EXOC6B: variants seen among roughly 807,000 people sequenced by gnomAD.
EXOC6B encodes exocyst complex component 6B, also known as SEC15 homolog B.
EXOC6B carries 54 observed loss-of-function variants against 113.5 expected under a neutral mutation model. The ratio of observed to expected loss-of-function variants is 0.48; its 90% CI spans 0.38 to 0.60. The LOEUF is 0.60. Ranked by LOEUF, EXOC6B falls within the 20% of genes least tolerant of loss-of-function variation. The pLI is 0.00. For synonymous variants in EXOC6B, 357 were observed against 339.0 expected, an observed-to-expected ratio of 1.05 and a Z score of -0.58; for missense variants, 797 against 977.5, an observed-to-expected ratio of 0.82 and a Z score of 2.46.
At chr2:72,439,610 C>T (rs551942848) in intron 18 of EXOC6B, among the ~76,000 whole-genome samples, 19 of 152,264 alleles carry the variant, frequency 1.2e-4, no homozygotes, top group South Asian at 1.2e-3. Flanking sequence ...TTTGTCTGTT[C>T]GCTCCTGCAA....
chr2:72,361,613 T>C (rs1690320730), intron 19 of EXOC6B, among the ~76,000 whole-genome samples: 1 of 152,166 alleles, frequency 6.6e-6, no homozygotes, highest in South Asian at 2.1e-4. Flanking sequence ...GTTATGCCAA[T>C]TGGTAGTTGT....
chr2:72,398,733 C>CACAA, intron 18 of EXOC6B, among the ~76,000 whole-genome samples: 1 of 120,142 alleles, frequency 8.3e-6, no homozygotes, highest in South Asian at 2.2e-4. Flanking sequence ...TGTCTACACA[C>CACAA]ACACACACAC....
At chr2:72,259,768 C>A (rs186540812) in intron 20 of EXOC6B, among the ~76,000 whole-genome samples, 1 of 151,974 alleles carries the variant, frequency 6.6e-6, no homozygotes, top group South Asian at 2.1e-4. Flanking sequence ...TGTAGCAGTG[C>A]GGCCAGGCAC....
At chr2:72,732,945 C>T in intron 3 of EXOC6B, 126 bp downstream of exon 3, 1 of 734,120 alleles carries the variant, frequency 1.4e-6, no homozygotes. Context: ...TTAGGAAAAG[C>T]AACAATAATG....
At chr2:72,619,543 G>C (rs952652241) in intron 6 of EXOC6B, among the ~76,000 whole-genome samples, 2 of 152,134 alleles carry the variant, frequency 1.3e-5, no homozygotes, top group African/African-American at 4.8e-5. Flanking sequence ...ATAAAAGGCA[G>C]CCAGGAAACA....
intron 7 of EXOC6B, among the ~76,000 whole-genome samples, chr2:72,573,273 G>A (rs147411915): frequency 3.5e-4 from 54 of 152,174 alleles, no homozygotes; most frequent in African/African-American, 1.3e-3. Context: ...CACAGACTAT[G>A]TCTAGCCCAT....
At chr2:72,394,727 T>C (rs1205324548) in intron 18 of EXOC6B, among the ~76,000 whole-genome samples, 2 of 152,096 alleles carry the variant, frequency 1.3e-5, no homozygotes, top group East Asian at 3.8e-4. Flanking sequence ...AACCAAGATG[T>C]CAAAGAATCT....
intron 17 of EXOC6B, among the ~76,000 whole-genome samples, chr2:72,474,339 A>G (rs1284842039): frequency 6.6e-6 from 1 of 152,048 alleles, no homozygotes; most frequent in Non-Finnish European, 1.5e-5. Context: ...TTCATCTCTT[A>G]CTGCATTAAG....
chr2:72,632,755 C>T (rs1672557625), intron 6 of EXOC6B, among the ~76,000 whole-genome samples: 1 of 152,010 alleles, frequency 6.6e-6, no homozygotes, highest in South Asian at 2.1e-4. Flanking sequence ...AATCATGGCT[C>T]AGTGCAGTCT....
chr2:72,766,439 C>G (rs1459656008), intron 1 of EXOC6B, among the ~76,000 whole-genome samples: 1 of 152,036 alleles, frequency 6.6e-6, no homozygotes, highest in Admixed American at 6.6e-5. Flanking sequence ...TCAAGATTCA[C>G]AGATGATCTA....
intron 20 of EXOC6B, among the ~76,000 whole-genome samples, chr2:72,204,495 T>A (rs1249465797): frequency 4.6e-5 from 7 of 151,794 alleles, no homozygotes; most frequent in Admixed American, 4.6e-4. Context: ...TATGCCAAGT[T>A]CATTGGAAGT....
At chr2:72,677,273 T>G (rs1055372328) in intron 6 of EXOC6B, among the ~76,000 whole-genome samples, 1 of 152,098 alleles carries the variant, frequency 6.6e-6, no homozygotes, top group Non-Finnish European at 1.5e-5. Context: ...GGCTCGCATC[T>G]GTAATCCAGC....
intron 20 of EXOC6B, among the ~76,000 whole-genome samples, chr2:72,293,257 T>C (rs1171442014): frequency 1.3e-5 from 2 of 152,108 alleles, no homozygotes; most frequent in Non-Finnish European, 2.9e-5. Context: ...AAATGAGTCC[T>C]AGGGACTCAT....
intron 18 of EXOC6B, among the ~76,000 whole-genome samples, chr2:72,453,132 C>CAA (rs754783078): frequency 4.6e-5 from 7 of 151,944 alleles, no homozygotes; most frequent in Non-Finnish European, 8.8e-5. Flanking sequence ...ATCTGTATTC[C>CAA]AAAAATATAT....
intron 1 of EXOC6B, among the ~76,000 whole-genome samples, chr2:72,750,978 G>T (rs1375815432): frequency 6.6e-6 from 1 of 151,840 alleles, no homozygotes; most frequent in African/African-American, 2.4e-5. Flanking sequence ...GGCTTGCAAT[G>T]GCTTAAAATT....
intron 20 of EXOC6B, among the ~76,000 whole-genome samples, chr2:72,271,825 C>A (rs1404347214): frequency 6.6e-6 from 1 of 151,938 alleles, no homozygotes; most frequent in Non-Finnish European, 1.5e-5. Context: ...TGTAGCAAAG[C>A]CAAGTCAAAA....
chr2:72,257,399 T>C (rs1683417608), intron 20 of EXOC6B, among the ~76,000 whole-genome samples: 1 of 152,204 alleles, frequency 6.6e-6, no homozygotes, highest in African/African-American at 2.4e-5. Flanking sequence ...AAACAGACAA[T>C]ATTAGTATTG....
intron 20 of EXOC6B, among the ~76,000 whole-genome samples, chr2:72,252,226 T>C (rs1683067703): frequency 6.6e-6 from 1 of 152,228 alleles, no homozygotes; most frequent in African/African-American, 2.4e-5. Flanking sequence ...ACAATTTTAC[T>C]TAATTGCATT....
chr2:72,378,419 C>A (rs957985634), intron 19 of EXOC6B, among the ~76,000 whole-genome samples: 3 of 152,162 alleles, frequency 2.0e-5, no homozygotes, highest in African/African-American at 7.2e-5. Flanking sequence ...TAGACAGTGT[C>A]CCCAGACAGA....
Sources: gnomAD v4.1 joint callset for allele counts (sites outside exome capture counted in the v4.1 genomes callset) on GRCh38, gnomAD v4.1.1 for gene constraint, MANE v1.5 for transcripts, NCBI Gene and HGNC (gene_info 2026-07-23, HGNC 2026-07-21) for gene names.